Variants in MED15 observed in about 807,000 individuals in gnomAD.
MED15 encodes mediator of RNA polymerase II transcription subunit 15.
MED15 carries 41 observed loss-of-function variants against 118.7 expected under a neutral mutation model. That is an observed-to-expected ratio of 0.35 (90% CI 0.27 to 0.45). MED15 has a LOEUF of 0.45. Ranked by LOEUF, MED15 falls within the 20% of genes least tolerant of loss-of-function variation. The probability of loss-of-function intolerance (pLI) is 1.00; values close to 1 mark genes in which losing one functional copy is unlikely to be tolerated. For synonymous variants in MED15, 436 were observed against 413.9 expected (o/e 1.05, Z -0.65); for missense variants, 740 against 1,025.5 (o/e 0.72, Z 3.80).
intron 1 of MED15, among the ~76,000 whole-genome samples, chr22:20,515,026 C>T (rs2054200662): frequency 6.6e-6 from 1 of 152,218 alleles, no homozygotes. Context: ...CCCTGTCTGT[C>T]CCTCTCTTCA....
chr22:20,507,852 G>A, intron 1 of MED15, 106 bp downstream of exon 1: 1 of 1,540,924 alleles, frequency 6.5e-7, no homozygotes, highest in Non-Finnish European at 8.8e-7. Flanking sequence ...CCGGGAGACA[G>A]AAGGCGCCGG....
intron 1 of MED15, among the ~76,000 whole-genome samples, chr22:20,517,473 G>A (rs1314946547): frequency 6.6e-6 from 1 of 152,178 alleles, no homozygotes; most frequent in African/African-American, 2.4e-5. Context: ...GAGCAGTGCA[G>A]CCGTTCTCCA....
intron 1 of MED15, among the ~76,000 whole-genome samples, chr22:20,527,239 A>G (rs964870320): frequency 2.0e-5 from 3 of 152,022 alleles, no homozygotes; most frequent in East Asian, 1.9e-4. Context: ...TTTATCTTTT[A>G]TCTCCTGTTT....
At chr22:20,527,551 C>T (rs1038787723) in intron 1 of MED15, among the ~76,000 whole-genome samples, 1 of 151,944 alleles carries the variant, frequency 6.6e-6, no homozygotes, top group Non-Finnish European at 1.5e-5. Context: ...AAGTGATCCT[C>T]CCACCTCAGC....
chr22:20,528,958 C>G (rs1315536291), intron 1 of MED15, among the ~76,000 whole-genome samples: 2 of 152,168 alleles, frequency 1.3e-5, no homozygotes, highest in Admixed American at 1.3e-4. Flanking sequence ...ATCTTTCACC[C>G]TCTGTCCCAG....
intron 1 of MED15, among the ~76,000 whole-genome samples, chr22:20,536,665 C>A (rs1372586779): frequency 6.6e-6 from 1 of 152,082 alleles, no homozygotes; most frequent in African/African-American, 2.4e-5. Context: ...CTTCATGTGG[C>A]CCCTTCATTT....
chr22:20,545,066 G>T (rs1470346879), intron 2 of MED15, among the ~76,000 whole-genome samples: 2 of 152,152 alleles, frequency 1.3e-5, no homozygotes, highest in Non-Finnish European at 2.9e-5. Flanking sequence ...ACATTTACAG[G>T]TTCCAGGGAA....
intron 2 of MED15, among the ~76,000 whole-genome samples, chr22:20,543,035 G>A (rs181357037): frequency 6.6e-6 from 1 of 152,002 alleles, no homozygotes; most frequent in East Asian, 1.9e-4. Context: ...AATCTAAATA[G>A]CCTGAGAATT....
chr22:20,553,474 C>T (rs1266129899), intron 4 of MED15, among the ~76,000 whole-genome samples: 1 of 152,234 alleles, frequency 6.6e-6, no homozygotes, highest in Non-Finnish European at 1.5e-5. Context: ...GTGTTGAGCT[C>T]TCTGGTAGAG....
At position 20,582,911 on chromosome 22, in the gene MED15, C is replaced by T. The variant is rs755070537; in HGVS notation, c.1481C>T (p.Thr494Met). 35 of 1,613,726 alleles carry T rather than the reference C, an allele frequency of 2.2e-5. No individual in the cohort carries two copies. The Admixed American group carries it at 2.7e-4, about 12-fold the overall frequency. The stretch of plus-strand genomic sequence containing the variant: ...CCGCAGCCCTCCCAGAGCCCAGTGA[C>T]GGCGCGGACCCCACAGAACTTCAGT... ...PSPQPSQSPVTARTPQNFSVP... is the reference protein window; with the variant it reads ...PSPQPSQSPVMARTPQNFSVP... Residue 494 changes from threonine (T) to methionine (M), a missense_variant, in exon 11 of 18, where the codon ACG becomes ATG. Thr to Met is a moderately conservative substitution (Grantham distance 81). Around this residue, in one of 7 missense-constraint regions of MED15, gnomAD observed 384 missense variants for 506.3 expected, o/e 0.76. Coordinates refer to ENST00000263205, the MANE Select transcript of MED15 (RefSeq NM_001003891.3).
intron 1 of MED15, among the ~76,000 whole-genome samples, chr22:20,517,406 T>C (rs578083075): frequency 5.6e-4 from 85 of 152,334 alleles, no homozygotes; most frequent in African/African-American, 2.0e-3. Flanking sequence ...CAGTTCTTAC[T>C]CCCTGCTCTG....
chr22:20,529,959 A>G (rs1601489670), intron 1 of MED15, among the ~76,000 whole-genome samples: 2 of 151,836 alleles, frequency 1.3e-5, no homozygotes, highest in East Asian at 3.9e-4. Flanking sequence ...CCTGACCTCA[A>G]GTGATCCACC....
At chr22:20,583,302 T>A (rs757787702) in intron 12 of MED15, 28 bp from the exon 13 acceptor site, 1 of 1,613,524 alleles carries the variant, frequency 6.2e-7, no homozygotes, top group Non-Finnish European at 8.5e-7. Context: ...CAGGCTTGTG[T>A]CTTAGTGTGT....
intron 5 of MED15, among the ~76,000 whole-genome samples, chr22:20,559,710 C>T (rs975349846): frequency 1.3e-5 from 2 of 152,220 alleles, no homozygotes; most frequent in African/African-American, 2.4e-5. Flanking sequence ...CTGCCAGTCA[C>T]ATTTGTATGC....
At chr22:20,582,494 C>T (rs1433954536) in intron 9 of MED15, 117 bp from the exon 10 acceptor site, 3 of 1,471,158 alleles carry the variant, frequency 2.0e-6, no homozygotes, top group Non-Finnish European at 1.8e-6. Flanking sequence ...TGGATGAAGA[C>T]ACAGGTGTGT....
rs757285601 is a variant in MED15 at position 20,555,099 on chromosome 22, G to C, written c.402G>C (p.Ser134=). ...SLSGQPPPGT[S]GMAPHSMAVV... ...CAGGGCAGCCGCCTCCTGGGACCTCGGGGATGGCCCCTCACAGCATGGCTG... is the reference window on the plus strand; with the variant it reads ...CAGGGCAGCCGCCTCCTGGGACCTCCGGGATGGCCCCTCACAGCATGGCTG... The change falls in exon 5 of 18, where the codon TCG becomes TCC. Residue 134 remains serine (S), a synonymous_variant. Coordinates refer to ENST00000263205, the MANE Select transcript of MED15 (RefSeq NM_001003891.3). The C allele has an allele frequency of 6.2e-7, 1 of 1,610,922 alleles. No homozygotes were observed. Among genetic ancestry groups the C allele is most frequent in the Non-Finnish European group, 8.5e-7 (1 of 1,179,268 alleles).
intron 13 of MED15, 26 bp downstream of exon 13, chr22:20,583,419 G>A (rs752277127): frequency 6.2e-6 from 10 of 1,610,798 alleles, no homozygotes; most frequent in Non-Finnish European, 8.5e-6. Context: ...AGCCCACGGA[G>A]GGTCCACAAG....
rs2055952021 is a variant in MED15 at position 20,555,298 on chromosome 22, G to A, written c.451+150G>A. On this transcript the variant is annotated intron_variant, in intron 5 of 17. Coordinates refer to ENST00000263205, the MANE Select transcript of MED15 (RefSeq NM_001003891.3). The stretch of plus-strand genomic sequence containing the variant: ...TTTTTAAATCTTTGTTGTATGTGGA[G>A]AGAAAAGGCTTCCAATTTTCGTTGA... 7 of 922,982 alleles carry A rather than the reference G, an allele frequency of 7.6e-6. No individual in the cohort carries two copies. In the East Asian group the frequency reaches 1.9e-4, roughly 25 times the overall value. 57.2% of individuals were successfully genotyped at this position (922,982 alleles called of 1,614,324 possible).
intron 2 of MED15, among the ~76,000 whole-genome samples, chr22:20,545,494 GAAAC>G (rs1266823201): frequency 1.4e-3 from 173 of 122,506 alleles, no homozygotes; most frequent in Non-Finnish European, 2.1e-3. Flanking sequence ...AAAAAAAAAA[GAAAC>G]AAAATGCTTT....
Sources: gnomAD v4.1 joint callset for allele counts (sites outside exome capture counted in the v4.1 genomes callset) on GRCh38, gnomAD v4.1.1 for gene constraint, gnomAD v4.1.1 regional missense constraint, MANE v1.5 for transcripts, NCBI Gene and HGNC (gene_info 2026-07-23, HGNC 2026-07-21) for gene names.